Variants in GEMIN2 observed in about 807,000 individuals in gnomAD.
GEMIN2 encodes the protein gem-associated protein 2.
A neutral mutation model predicts 45.8 loss-of-function variants in GEMIN2; 37 were observed. The observed-to-expected ratio is 0.81, with a 90% CI of 0.62 to 1.06. The LOEUF (loss-of-function observed/expected upper bound fraction) is 1.06. GEMIN2 is among the 50% of genes least tolerant of loss of function. The pLI is 0.00. For missense variants in GEMIN2, 335 were observed against 321.8 expected, an observed-to-expected ratio of 1.04 and a Z score of -0.31; for synonymous variants, 101 against 111.5, an observed-to-expected ratio of 0.91 and a Z score of 0.60.
At chr14:39,131,698 C>G (rs1275966801) in intron 7 of GEMIN2, 1 of 344,522 alleles carries the variant, frequency 2.9e-6, no homozygotes, top group Non-Finnish European at 5.2e-6. Flanking sequence ...AACTTCCTAT[C>G]ATAAGAATAT....
intron 9 of GEMIN2, among the ~76,000 whole-genome samples, chr14:39,134,970 TTTTG>T (rs1475863211): frequency 1.3e-5 from 2 of 151,540 alleles, no homozygotes; most frequent in African/African-American, 2.4e-5. Flanking sequence ...AGAGTTGTGT[TTTTG>T]TTTTTGTTTT....
At chr14:39,135,459 G>T (rs1033703151) in intron 9 of GEMIN2, among the ~76,000 whole-genome samples, 2 of 152,050 alleles carry the variant, frequency 1.3e-5, no homozygotes, top group South Asian at 4.1e-4. Flanking sequence ...GGTGGTTCAC[G>T]CCTGTAATCC....
At chr14:39,124,198 C>G (rs2052612327) in intron 5 of GEMIN2, among the ~76,000 whole-genome samples, 1 of 152,058 alleles carries the variant, frequency 6.6e-6, no homozygotes. Flanking sequence ...GTGGTATTTT[C>G]ATAATTAGCA....
chr14:39,125,928 G>A (rs1319517342), intron 6 of GEMIN2, among the ~76,000 whole-genome samples: 5 of 151,766 alleles, frequency 3.3e-5, no homozygotes, highest in Admixed American at 2.6e-4. Context: ...GCTGAGGCAG[G>A]AGAATCGCTT....
chr14:39,129,274 T>A (rs566622530), intron 7 of GEMIN2, among the ~76,000 whole-genome samples: 1 of 152,246 alleles, frequency 6.6e-6, no homozygotes, highest in South Asian at 2.1e-4. Context: ...GACTATACCA[T>A]CTAGGTTTGT....
chr14:39,117,964 A>G, intron 2 of GEMIN2, 35 bp from the exon 3 acceptor site: 3 of 1,118,030 alleles, frequency 2.7e-6, no homozygotes, highest in Non-Finnish European at 2.7e-6. Context: ...TTTGACACTA[A>G]TGTTGATCCT....
In GEMIN2 at chr14:39,114,326, T is replaced by G. The variant is rs200612939; in HGVS notation, c.-13T>G. ...GGCGCATGCGCCGAGCGGAACTGGC[T>G]GGTTTGAAAACCATGGCGTGGGTAC... On this transcript the variant is annotated 5_prime_UTR_variant, in exon 1 of 10. Transcript: ENST00000308317. The G allele has an allele frequency of 9.6e-5, 155 of 1,613,926 alleles. No homozygotes were observed. The South Asian group carries it at 1.6e-3, about 17-fold the overall frequency.
intron 5 of GEMIN2, 195 bp downstream of exon 5, chr14:39,122,738 CT>C: frequency 2.5e-6 from 1 of 397,662 alleles, no homozygotes; most frequent in Non-Finnish European, 4.5e-6. Flanking sequence ...TTTATGTGGC[CT>C]GCAAAGCCTA....
At chr14:39,125,824 A>G (rs1404867501) in intron 6 of GEMIN2, among the ~76,000 whole-genome samples, 1 of 152,038 alleles carries the variant, frequency 6.6e-6, no homozygotes, top group Non-Finnish European at 1.5e-5. Flanking sequence ...GTTCGAGACC[A>G]GCCTGGCCAA....
chr14:39,136,155 G>T (rs1189814967), intron 9 of GEMIN2, among the ~76,000 whole-genome samples: 1 of 151,962 alleles, frequency 6.6e-6, no homozygotes, highest in Admixed American at 6.6e-5. Flanking sequence ...ACTCACATAA[G>T]GTAGCATACA....
At chr14:39,116,862 C>T (rs1183604523) in intron 2 of GEMIN2, among the ~76,000 whole-genome samples, 4 of 152,162 alleles carry the variant, frequency 2.6e-5, no homozygotes, top group Non-Finnish European at 5.9e-5. Flanking sequence ...GCCATCCTCC[C>T]ACCTCAGTCT....
chr14:39,125,109 A>C, intron 6 of GEMIN2, 73 bp downstream of exon 6: 2 of 770,070 alleles, frequency 2.6e-6, no homozygotes. Context: ...TTGTTAATAC[A>C]TATACTGAAT....
chr14:39,121,599 G>C (rs901052784), intron 4 of GEMIN2, among the ~76,000 whole-genome samples: 1 of 152,198 alleles, frequency 6.6e-6, no homozygotes, highest in African/African-American at 2.4e-5. Context: ...CACTATGTTT[G>C]TCAGGGCTGC....
chr14:39,114,538 G>A, intron 1 of GEMIN2, 63 bp downstream of exon 1: 7 of 1,220,026 alleles, frequency 5.7e-6, no homozygotes, highest in South Asian at 2.6e-5. Context: ...TACAGCCCTC[G>A]GTGCTCTATT....
chr14:39,132,664 C>G (rs1385589601), intron 8 of GEMIN2, among the ~76,000 whole-genome samples: 1 of 62,734 alleles, frequency 1.6e-5, no homozygotes, highest in Admixed American at 2.1e-4. Flanking sequence ...TAGCTTCAGC[C>G]TTTTTTTTTT....
intron 4 of GEMIN2, among the ~76,000 whole-genome samples, chr14:39,120,568 A>G (rs78648571): frequency 0.012 from 1,802 of 152,332 alleles, 14 homozygotes; most frequent in Non-Finnish European, 0.019. Flanking sequence ...TTCCAAGACA[A>G]TAGGGTTTAA....
chr14:39,129,047 G>T (rs959346732), intron 7 of GEMIN2, among the ~76,000 whole-genome samples: 1 of 152,184 alleles, frequency 6.6e-6, no homozygotes, highest in East Asian at 1.9e-4. Context: ...AGGCCAGGGA[G>T]GTTGAGGCTG....
At chr14:39,120,006 TA>T (rs2052555481) in intron 4 of GEMIN2, among the ~76,000 whole-genome samples, 1 of 152,158 alleles carries the variant, frequency 6.6e-6, no homozygotes. Flanking sequence ...GCTAGGTAGG[TA>T]AATATATTTT....
intron 8 of GEMIN2, among the ~76,000 whole-genome samples, chr14:39,132,304 G>A (rs569918811): frequency 8.5e-5 from 13 of 152,286 alleles, no homozygotes; most frequent in African/African-American, 3.1e-4. Context: ...GCTGAGGCGG[G>A]TGGCTCACCT....
Sources: gnomAD v4.1 joint callset for allele counts (sites outside exome capture counted in the v4.1 genomes callset) on GRCh38, gnomAD v4.1.1 for gene constraint, MANE v1.5 for transcripts, NCBI Gene and HGNC (gene_info 2026-07-23, HGNC 2026-07-21) for gene names.